Variants in RAPGEF6 observed in about 807,000 individuals in gnomAD.
The protein encoded by RAPGEF6 is PDZ domain containing guanine nucleotide exchange factor (GEF) 2.
In RAPGEF6, 56 loss-of-function variants were observed where a neutral mutation model predicts 171.4. The ratio of observed to expected loss-of-function variants is 0.33; its 90% CI spans 0.26 to 0.41. The LOEUF (loss-of-function observed/expected upper bound fraction) is 0.41. Among genes scored for constraint, RAPGEF6 ranks in the 10% least tolerant of loss-of-function variants. RAPGEF6 has a pLI of 1.00. For synonymous variants in RAPGEF6, 692 were observed against 650.1 expected, an observed-to-expected ratio of 1.06 and a Z score of -0.98; for missense variants, 1,674 against 1,921.4, an observed-to-expected ratio of 0.87 and a Z score of 2.41.
intron 6 of RAPGEF6, among the ~76,000 whole-genome samples, chr5:131,521,840 T>TAC (rs3992018): frequency 0.21 from 19,829 of 96,562 alleles, 2,237 homozygotes; most frequent in Non-Finnish European, 0.3. Flanking sequence ...AATGTTACCC[T>TAC]ACACACACAC....
intron 8 of RAPGEF6, among the ~76,000 whole-genome samples, chr5:131,509,743 T>C (rs1436366052): frequency 2.0e-5 from 3 of 152,192 alleles, no homozygotes; most frequent in East Asian, 1.9e-4. Flanking sequence ...ATTTTATATA[T>C]TGTGGCAGCC....
At chr5:131,495,850 A>T (rs1756605959) in intron 12 of RAPGEF6, among the ~76,000 whole-genome samples, 190 bp from the exon 13 acceptor site, 2 of 152,212 alleles carry the variant, frequency 1.3e-5, no homozygotes, top group Admixed American at 6.5e-5. Flanking sequence ...GCACAGAAGT[A>T]ACAGAGCCAG....
chr5:131,587,683 T>C (rs938256282), intron 4 of RAPGEF6, among the ~76,000 whole-genome samples: 1 of 152,226 alleles, frequency 6.6e-6, no homozygotes, highest in Admixed American at 6.5e-5. Context: ...GCAAAGTCTC[T>C]GACCTTCTCT....
intron 7 of RAPGEF6, among the ~76,000 whole-genome samples, chr5:131,516,462 G>A (rs548187786): frequency 2.0e-5 from 3 of 152,160 alleles, no homozygotes; most frequent in Non-Finnish European, 2.9e-5. Context: ...TTGGCACTCC[G>A]AGCTGTGCAT....
intron 6 of RAPGEF6, among the ~76,000 whole-genome samples, chr5:131,531,932 G>A (rs544438575): frequency 2.3e-4 from 33 of 143,160 alleles, no homozygotes; most frequent in South Asian, 9.5e-4. Context: ...TAGAGGTCAC[G>A]TTAGAATGTT....
At chr5:131,536,543 C>CT (rs1759788299) in intron 6 of RAPGEF6, among the ~76,000 whole-genome samples, 1 of 152,126 alleles carries the variant, frequency 6.6e-6, no homozygotes, top group Admixed American at 6.6e-5. Context: ...TGTTGAAAAT[C>CT]TGTCACAGCC....
At chr5:131,464,400 C>T in intron 17 of RAPGEF6, 119 bp from the exon 18 acceptor site, 2 of 719,162 alleles carry the variant, frequency 2.8e-6, no homozygotes, top group Non-Finnish European at 4.7e-6. Flanking sequence ...TTCTATTTCA[C>T]AATATTAACA....
chr5:131,559,439 T>C (rs1175495982), intron 5 of RAPGEF6, among the ~76,000 whole-genome samples: 1 of 152,248 alleles, frequency 6.6e-6, no homozygotes. Flanking sequence ...TTTGAAGGCA[T>C]GTAAAGCTTC....
rs113408846 is a variant in RAPGEF6 at position 131,451,983 on chromosome 5, A to C, written c.3200+1071T>G. ...CGCGGTGGCTCACGCCTATAATCCC[A>C]GCACTTTGGGAGGCCGAGGCGGGCG... On this transcript the variant is annotated intron_variant, in intron 21 of 27. Transcript: ENST00000509018. Among the ~76,000 whole-genome samples the C allele has an allele frequency of 6.2e-3, 940 of 152,328 alleles. 6 individuals are homozygous for C. Among genetic ancestry groups the C allele is most frequent in the African/African-American group, 0.021 (892 of 41,572 alleles).
intron 6 of RAPGEF6, among the ~76,000 whole-genome samples, chr5:131,535,975 T>C (rs1452998892): frequency 1.3e-5 from 2 of 152,122 alleles, no homozygotes; most frequent in East Asian, 3.8e-4. Flanking sequence ...ACTGGATTTA[T>C]ACTAACCCAG....
intron 1 of RAPGEF6, among the ~76,000 whole-genome samples, chr5:131,606,030 A>AG (rs1764545541): frequency 1.3e-5 from 1 of 75,416 alleles, no homozygotes; most frequent in African/African-American, 1.1e-4. Context: ...ACTCCATCTC[A>AG]AAAAAAAAAA....
intron 16 of RAPGEF6, among the ~76,000 whole-genome samples, chr5:131,478,051 T>G (rs1755229823): frequency 7.6e-6 from 1 of 132,030 alleles, no homozygotes; most frequent in African/African-American, 3.9e-5. Context: ...ACATTCAAAA[T>G]TTTGGTATTT....
chr5:131,504,032 GA>G (rs536216609), intron 11 of RAPGEF6, among the ~76,000 whole-genome samples: 13 of 152,068 alleles, frequency 8.5e-5, no homozygotes, highest in Non-Finnish European at 1.6e-4. Context: ...AGTCTTTGAT[GA>G]AACTGACTCC....
chr5:131,435,261 C>G (rs1751944097), intron 24 of RAPGEF6, among the ~76,000 whole-genome samples: 1 of 152,188 alleles, frequency 6.6e-6, no homozygotes. Flanking sequence ...ACAAGCCAGT[C>G]TTCTGACGTC....
At chr5:131,442,276 T>C in intron 23 of RAPGEF6, 73 bp downstream of exon 23, 3 of 1,377,106 alleles carry the variant, frequency 2.2e-6, no homozygotes, top group Non-Finnish European at 3.0e-6. Context: ...CCTGAACATC[T>C]GTAATTATTT....
At chr5:131,545,539 A>C (rs1760466495) in intron 6 of RAPGEF6, among the ~76,000 whole-genome samples, 1 of 152,184 alleles carries the variant, frequency 6.6e-6, no homozygotes, top group Non-Finnish European at 1.5e-5. Context: ...CATTAAACCA[A>C]TTCTCTACTT....
intron 4 of RAPGEF6, among the ~76,000 whole-genome samples, chr5:131,565,627 T>C (rs1484124899): frequency 6.6e-6 from 1 of 152,146 alleles, no homozygotes; most frequent in African/African-American, 2.4e-5. Context: ...CTCAAGACAA[T>C]GTGGTATTTG....
At chr5:131,582,139 C>T (rs957423800) in intron 4 of RAPGEF6, among the ~76,000 whole-genome samples, 1 of 152,216 alleles carries the variant, frequency 6.6e-6, no homozygotes. Flanking sequence ...GTTGCTCACA[C>T]TAAGCCTGCT....
At chr5:131,430,438 TCTCA>T (rs1158033487) in intron 26 of RAPGEF6, among the ~76,000 whole-genome samples, 1 of 152,194 alleles carries the variant, frequency 6.6e-6, no homozygotes, top group Admixed American at 6.5e-5. Flanking sequence ...TTGCATTTTC[TCTCA>T]CTGTTACGAC....
Sources: gnomAD v4.1 joint callset for allele counts (sites outside exome capture counted in the v4.1 genomes callset) on GRCh38, gnomAD v4.1.1 for gene constraint, MANE v1.5 for transcripts, NCBI Gene and HGNC (gene_info 2026-07-23, HGNC 2026-07-21) for gene names.